FANK1: variants seen among roughly 807,000 people sequenced by gnomAD.
The protein encoded by FANK1 is fibronectin type 3 and ankyrin repeat domains protein 1.
A neutral mutation model predicts 45.3 loss-of-function variants in FANK1; 44 were observed. The ratio of observed to expected loss-of-function variants is 0.97; its 90% CI spans 0.76 to 1.25. FANK1 has a LOEUF of 1.25. Ranked by LOEUF, FANK1 falls within the 50% of genes most tolerant of loss-of-function variation. The pLI is 0.00. For synonymous variants in FANK1, 149 were observed against 152.5 expected (o/e 0.98, Z 0.17); for missense variants, 391 against 424.4 (o/e 0.92, Z 0.69).
At position 126,007,706 on chromosome 10, in the gene FANK1, C is replaced by T. The variant is rs996051477; in HGVS notation, c.706-701C>T. 5.9e-5 allele frequency among the ~76,000 whole-genome samples: 9 copies of T among 152,062 alleles called. No individual in the cohort carries two copies. In the South Asian group the frequency reaches 6.2e-4, roughly 10 times the overall value. ...GTGTGTGCACACACGAGTGTGTGTG[C>T]GTGTCTGAGCACAAACACGTATCTG... is the stretch of plus-strand genomic sequence containing the variant. On this transcript the variant is annotated intron_variant, in intron 7 of 10. Transcript: ENST00000368693.
chr10:125,985,826 G>C (rs981087413), intron 2 of FANK1, among the ~76,000 whole-genome samples: 2 of 152,212 alleles, frequency 1.3e-5, no homozygotes, highest in Non-Finnish European at 2.9e-5. Flanking sequence ...TGATGCATCA[G>C]CTGGGATGGC....
At chr10:125,928,449 A>G (rs1005558036) in intron 1 of FANK1, among the ~76,000 whole-genome samples, 10 of 128,798 alleles carry the variant, frequency 7.8e-5, no homozygotes, top group African/African-American at 2.7e-4. Context: ...CAGCAAGGTC[A>G]TTATGACCTG....
intron 1 of FANK1, among the ~76,000 whole-genome samples, chr10:125,953,707 A>G (rs4403725): frequency 0.39 from 58,622 of 151,938 alleles, 11,639 homozygotes; most frequent in Non-Finnish European, 0.44. Flanking sequence ...AGAGAGAGCT[A>G]CAACTCCAAA....
rs182867428 is a variant in FANK1 at position 125,914,024 on chromosome 10, A to C, written c.13+17369A>C. On this transcript the variant is annotated intron_variant, in intron 1 of 10. Transcript: ENST00000368693. ...GATCTCCTTCTCCACCCAGCAGTGA[A>C]TATCATGGGAATCTCTCTCTACCTG... Among the ~76,000 whole-genome samples, 481 of 152,160 alleles carry C rather than the reference A, an allele frequency of 3.2e-3. 5 individuals carry two copies. The highest frequency in any genetic ancestry group is 2.2e-3 in the Non-Finnish European group (148 of 67,986).
chr10:125,954,628 TAGAGAA>T (rs2134171088), intron 1 of FANK1, among the ~76,000 whole-genome samples: 1 of 152,104 alleles, frequency 6.6e-6, no homozygotes, highest in African/African-American at 2.4e-5. Context: ...TTTAAAAAAA[TAGAGAA>T]AGGGGTCAGG....
intron 1 of FANK1, among the ~76,000 whole-genome samples, chr10:125,965,653 T>C (rs1446394561): frequency 6.6e-6 from 1 of 152,224 alleles, no homozygotes; most frequent in Non-Finnish European, 1.5e-5. Flanking sequence ...CTCCTCTCTG[T>C]CCTCATCTAT....
intron 1 of FANK1, among the ~76,000 whole-genome samples, chr10:125,947,752 C>T (rs1347483402): frequency 7.1e-6 from 1 of 140,464 alleles, no homozygotes; most frequent in Non-Finnish European, 1.6e-5. Flanking sequence ...CTCAGCTCTG[C>T]ACCAAGTGGA....
chr10:125,973,327 T>TG (rs1236664018), intron 1 of FANK1: 9 of 526,146 alleles, frequency 1.7e-5, no homozygotes, highest in Non-Finnish European at 1.5e-5. Context: ...CTGGTTATTT[T>TG]GGGGGTAATC....
chr10:125,962,128 C>T (rs1005823596), intron 1 of FANK1, among the ~76,000 whole-genome samples: 11 of 152,180 alleles, frequency 7.2e-5, no homozygotes, highest in African/African-American at 2.7e-4. Context: ...GGAGCTCGAA[C>T]ATCTCAACAG....
chr10:125,929,805 G>T (rs1564883907), intron 1 of FANK1, among the ~76,000 whole-genome samples: 1 of 152,306 alleles, frequency 6.6e-6, no homozygotes, highest in East Asian at 1.9e-4. Flanking sequence ...GGGGCTCAAA[G>T]TTCCTGTTAC....
In FANK1 at chr10:125,949,482, A is replaced by C. The variant is rs183605042; in HGVS notation, c.14-30679A>C. 4.2e-3 allele frequency among the ~76,000 whole-genome samples: 635 copies of C among 152,362 alleles called. 12 individuals carry two copies. Among genetic ancestry groups the C allele is most frequent in the African/African-American group, 0.014 (572 of 41,586 alleles). ...TATTCTTATACACCAACAAAAACAG[A>C]GAGCCAAATCATGAGTGAACTCCCA... is the stretch of plus-strand genomic sequence containing the variant. On this transcript the variant is annotated intron_variant, in intron 1 of 10. Transcript: ENST00000368693.
chr10:125,995,359 G>A (rs949064837), intron 3 of FANK1, 58 bp from the exon 4 acceptor site: 60 of 1,517,266 alleles, frequency 4.0e-5, no homozygotes, highest in African/African-American at 3.1e-4. Context: ...GGACGATGGC[G>A]GGAAGCAGTC....
In FANK1 at chr10:125,988,676, G is replaced by T; in HGVS notation, c.316+1G>T. The T allele has an allele frequency of 6.2e-7, 1 of 1,614,178 alleles. No homozygotes were observed. The highest frequency in any genetic ancestry group is 8.5e-7 in the Non-Finnish European group (1 of 1,180,024). On this transcript the variant is annotated splice_donor_variant, in intron 3 of 10. Transcript: ENST00000368693. LOFTEE classifies it high-confidence loss of function. Reference sequence around the variant, plus strand: ...CCACTCGTCTCAGTGTCTACAACCAGTGAGTATTCAGACCGTCCACACTCA... The same window carrying T: ...CCACTCGTCTCAGTGTCTACAACCATTGAGTATTCAGACCGTCCACACTCA...
chr10:125,898,126 G>T (rs1944731388), intron 1 of FANK1, among the ~76,000 whole-genome samples: 1 of 151,534 alleles, frequency 6.6e-6, no homozygotes, highest in Non-Finnish European at 1.5e-5. Flanking sequence ...GGCGGAGGTT[G>T]CAGTGAGGCC....
chr10:125,948,330 G>A (rs1423063273), intron 1 of FANK1, among the ~76,000 whole-genome samples: 1 of 152,072 alleles, frequency 6.6e-6, no homozygotes, highest in Non-Finnish European at 1.5e-5. Flanking sequence ...TCCAGGAGCT[G>A]GTTTTTTTGA....
At chr10:125,945,684 G>A (rs945668642) in intron 1 of FANK1, among the ~76,000 whole-genome samples, 3 of 152,346 alleles carry the variant, frequency 2.0e-5, no homozygotes, top group Non-Finnish European at 4.4e-5. Flanking sequence ...AGGGGTGCCT[G>A]CTATTGCCCA....
chr10:125,899,674 A>G (rs1266467727), intron 1 of FANK1, among the ~76,000 whole-genome samples: 1 of 152,246 alleles, frequency 6.6e-6, no homozygotes, highest in East Asian at 1.9e-4. Context: ...GTTATTTCCT[A>G]CTGTCAGCCA....
At chr10:125,977,946 C>T (rs974957806) in intron 1 of FANK1, among the ~76,000 whole-genome samples, 1 of 152,170 alleles carries the variant, frequency 6.6e-6, no homozygotes, top group Non-Finnish European at 1.5e-5. Flanking sequence ...TTTCAGTTGC[C>T]CCTGGAGGCT....
At chr10:125,930,987 T>C (rs376829197) in intron 1 of FANK1, among the ~76,000 whole-genome samples, 1 of 152,208 alleles carries the variant, frequency 6.6e-6, no homozygotes, top group Admixed American at 6.5e-5. Context: ...CATTCCTGAG[T>C]TACTTCACTT....
Sources: allele counts gnomAD v4.1 joint callset (sites outside exome capture counted in the v4.1 genomes callset), GRCh38; gene constraint gnomAD v4.1.1; transcripts MANE v1.5; gene names NCBI Gene and HGNC (gene_info 2026-07-23, HGNC 2026-07-21).